HAO1: variants seen among roughly 807,000 people sequenced by gnomAD.
HAO1 encodes the protein hydroxyacid oxidase 1.
HAO1 carries 34 observed loss-of-function variants against 39.7 expected under a neutral mutation model. That is an observed-to-expected ratio of 0.86 (90% CI 0.65 to 1.14). HAO1 has a LOEUF of 1.14. HAO1 is among the 50% of genes most tolerant of loss of function. The probability of loss-of-function intolerance (pLI) is 0.00; values close to 1 mark genes in which losing one functional copy is unlikely to be tolerated. For synonymous variants in HAO1, 172 were observed against 173.2 expected (o/e 0.99, Z 0.05); for missense variants, 479 against 464.5 (o/e 1.03, Z -0.29).
intron 3 of HAO1, among the ~76,000 whole-genome samples, chr20:7,908,399 A>T (rs987570844): frequency 2.0e-5 from 3 of 151,756 alleles, no homozygotes; most frequent in East Asian, 3.9e-4. Context: ...AAAATAAAAA[A>T]AAAAAAAAAA....
At chr20:7,896,333 G>A (rs1187076080) in intron 4 of HAO1, among the ~76,000 whole-genome samples, 5 of 152,106 alleles carry the variant, frequency 3.3e-5, no homozygotes, top group African/African-American at 2.4e-5. Context: ...GTTCAAGAGC[G>A]TAGCAAAAAT....
intron 3 of HAO1, 106 bp from the exon 4 acceptor site, chr20:7,906,435 A>G: frequency 1.5e-6 from 1 of 671,376 alleles, no homozygotes; most frequent in Non-Finnish European, 2.6e-6. Flanking sequence ...TTGGCTGTTC[A>G]CTGCTCATTT....
chr20:7,918,135 T>C (rs888845024), intron 2 of HAO1, among the ~76,000 whole-genome samples: 1 of 152,188 alleles, frequency 6.6e-6, no homozygotes, highest in Non-Finnish European at 1.5e-5. Context: ...TAAGGTATTA[T>C]CATTTGAAGC....
intron 5 of HAO1, among the ~76,000 whole-genome samples, chr20:7,889,525 C>T (rs1166786991): frequency 6.6e-6 from 1 of 152,128 alleles, no homozygotes; most frequent in Non-Finnish European, 1.5e-5. Context: ...AGGTGATAAG[C>T]GTATTTTTAA....
At chr20:7,925,648 C>A (rs1206333262) in intron 2 of HAO1, among the ~76,000 whole-genome samples, 1 of 152,118 alleles carries the variant, frequency 6.6e-6, no homozygotes, top group Non-Finnish European at 1.5e-5. Context: ...ATTGAGTTTG[C>A]ACACAACAAC....
In HAO1 at chr20:7,883,545, A is replaced by C. The variant is rs1407914798; in HGVS notation, c.*48T>G. On this transcript the variant is annotated 3_prime_UTR_variant, in exon 8 of 8. Transcript: ENST00000378789. ...TCTGCACAGTGTCTCTTTGTCAAGT[A>C]ATACATGCTGAAAAAAAATAATACA... The C allele has an allele frequency of 7.4e-7, 1 of 1,356,594 alleles. No individual in the cohort carries two copies. Among genetic ancestry groups the C allele is most frequent in the African/African-American group, 1.4e-5 (1 of 70,070 alleles). The allele number at this position is 1,356,594 out of a possible 1,614,324, so 84.0% of individuals were successfully genotyped here.
chr20:7,924,609 T>C (rs2050350632), intron 2 of HAO1, among the ~76,000 whole-genome samples: 1 of 152,264 alleles, frequency 6.6e-6, no homozygotes, highest in South Asian at 2.1e-4. Context: ...TCAATTCATA[T>C]GGGACTAATC....
At chr20:7,901,533 A>G (rs2050221443) in intron 4 of HAO1, among the ~76,000 whole-genome samples, 1 of 152,132 alleles carries the variant, frequency 6.6e-6, no homozygotes, top group Non-Finnish European at 1.5e-5. Context: ...GCTGCTCAGA[A>G]AAAAAAAGAT....
chr20:7,893,728 C>T (rs1387553730), intron 5 of HAO1, among the ~76,000 whole-genome samples: 1 of 152,076 alleles, frequency 6.6e-6, no homozygotes, highest in Non-Finnish European at 1.5e-5. Context: ...CCTTCCCCAC[C>T]AAATTATCCT....
At chr20:7,905,747 A>T (rs533134821) in intron 4 of HAO1, among the ~76,000 whole-genome samples, 2 of 152,304 alleles carry the variant, frequency 1.3e-5, no homozygotes, top group South Asian at 4.1e-4. Context: ...CAAGAAAAAG[A>T]GTAAAAGCTC....
intron 2 of HAO1, among the ~76,000 whole-genome samples, chr20:7,934,107 T>C (rs1043409893): frequency 6.6e-6 from 1 of 152,172 alleles, no homozygotes; most frequent in Non-Finnish European, 1.5e-5. Flanking sequence ...AGTCTACCTG[T>C]CAGAGATCCA....
At chr20:7,900,925 G>A (rs150807067) in intron 4 of HAO1, among the ~76,000 whole-genome samples, 30 of 152,292 alleles carry the variant, frequency 2.0e-4, no homozygotes, top group African/African-American at 6.7e-4. Context: ...TACTACTCTA[G>A]TGAACACAGA....
At chr20:7,886,202 C>T (rs1439350108) in intron 5 of HAO1, among the ~76,000 whole-genome samples, 1 of 151,604 alleles carries the variant, frequency 6.6e-6, no homozygotes, top group Non-Finnish European at 1.5e-5. Flanking sequence ...GAGAGAGGGT[C>T]TTGCTCTGTC....
rs1019049130 is a variant in HAO1 at position 7,917,774 on chromosome 20, A to T, written c.290-3355T>A. ...TAGGAACATCAAAATCCACAAAAGG[A>T]TTCCCTTGAACTCATGAGAAATATC... On this transcript the variant is annotated intron_variant, in intron 2 of 7. Transcript: ENST00000378789. 1.3e-5 allele frequency among the ~76,000 whole-genome samples: 2 copies of T among 152,204 alleles called. 1 individual carries two copies. The highest frequency in any genetic ancestry group is 6.3e-3 in the Middle Eastern group (2 of 316).
At chr20:7,904,171 G>A (rs747200464) in intron 4 of HAO1, among the ~76,000 whole-genome samples, 4 of 152,060 alleles carry the variant, frequency 2.6e-5, no homozygotes, top group African/African-American at 4.8e-5. Flanking sequence ...CCCCTGGGCC[G>A]TCTCTGTGAT....
At chr20:7,936,541 TGTGTGTTCG>T (rs1568522165) in intron 1 of HAO1, among the ~76,000 whole-genome samples, 6 of 147,878 alleles carry the variant, frequency 4.1e-5, no homozygotes, top group African/African-American at 1.3e-4. Context: ...TGTGTGTGTG[TGTGTGTTCG>T]CGCGCGCGCG....
chr20:7,883,369 T>C lies in HAO1; in HGVS notation c.*224A>G, dbSNP rs565746681. On this transcript the variant is annotated 3_prime_UTR_variant, in exon 8 of 8. Transcript: ENST00000378789. ...AATGTTTTCTTTTTAACAGTTAATA[T>C]ATTTCCAGGATGAAAGTCCATTTCT... 1.6e-4 allele frequency: 86 copies of C among 549,744 alleles called. 4 individuals are homozygous for C. The South Asian group carries it at 2.1e-3, about 13-fold the overall frequency. The allele number at this position is 549,744 out of a possible 1,614,324, so 34.1% of individuals were successfully genotyped here.
chr20:7,914,252 T>C lies in HAO1; in HGVS notation c.457A>G (p.Lys153Glu). The stretch of plus-strand genomic sequence containing the variant: ...GTGTCCACTGTCACAAATATGGCCT[T>C]GTAGCCCATCTTCTCTGCCTGCCGC... ...LVRQAEKMGY[K>E]AIFVTVDTPY... The change falls in exon 3 of 8, where the codon AAG becomes GAG. Residue 153 changes from lysine (K) to glutamate (E), a missense_variant. Coordinates refer to ENST00000378789, the MANE Select transcript of HAO1 (RefSeq NM_017545.3). The C allele has an allele frequency of 6.2e-7, 1 of 1,613,982 alleles. No individual in the cohort carries two copies. Among genetic ancestry groups the C allele is most frequent in the Non-Finnish European group, 8.5e-7 (1 of 1,179,922 alleles).
chr20:7,913,234 A>C (rs757150011), intron 3 of HAO1, among the ~76,000 whole-genome samples: 2 of 149,090 alleles, frequency 1.3e-5, no homozygotes, highest in Non-Finnish European at 3.0e-5. Context: ...GTGGCATGAG[A>C]TCTGGGAACA....
Sources: allele counts gnomAD v4.1 joint callset (sites outside exome capture counted in the v4.1 genomes callset), GRCh38; gene constraint gnomAD v4.1.1; transcripts MANE v1.5; gene names NCBI Gene and HGNC (gene_info 2026-07-23, HGNC 2026-07-21).